Variants in PRKACA observed in about 807,000 individuals in gnomAD.
PRKACA encodes cAMP-dependent protein kinase catalytic subunit alpha.
A neutral mutation model predicts 45.8 loss-of-function variants in PRKACA; 9 were observed. The ratio of observed to expected loss-of-function variants is 0.20; its 90% CI spans 0.12 to 0.34. The LOEUF is 0.34. PRKACA is among the 10% of genes least tolerant of loss of function. The pLI, the probability that PRKACA is intolerant of heterozygous loss-of-function variation, is 1.00. For synonymous variants in PRKACA, 160 were observed against 178.6 expected, an observed-to-expected ratio of 0.90 and a Z score of 0.83; for missense variants, 238 against 458.6, an observed-to-expected ratio of 0.52 and a Z score of 4.39.
chr19:14,107,197 C>G (rs936667694), intron 2 of PRKACA, 151 bp downstream of exon 2: 4 of 881,042 alleles, frequency 4.5e-6, no homozygotes, highest in Middle Eastern at 3.6e-4. Context: ...TGTCTCCACA[C>G]AGGAGCCCCC....
chr19:14,117,615 C>T lies in PRKACA; in HGVS notation c.-68G>A, dbSNP rs892979080. 6 of 924,298 alleles carry T rather than the reference C, an allele frequency of 6.5e-6. No individual in the cohort carries two copies. Among genetic ancestry groups the T allele is most frequent in the Non-Finnish European group, 2.6e-6 (2 of 776,588 alleles). The allele number at this position is 924,298 out of a possible 1,614,324, so 57.3% of individuals were successfully genotyped here. A position where few individuals can be genotyped will look rare whatever the true frequency, so the allele number is the denominator to read the frequency against. On this transcript the variant is annotated 5_prime_UTR_variant, in exon 1 of 10. Transcript: ENST00000308677. ...GCGGGTGCTGGCTGCGGCCGGCGGC[C>T]CCGGAGCGCGCTGGGCGGCGGCGGC...
At chr19:14,094,188 A>G (rs1300274518) in intron 8 of PRKACA, among the ~76,000 whole-genome samples, 1 of 128,532 alleles carries the variant, frequency 7.8e-6, no homozygotes, top group Non-Finnish European at 1.6e-5. Context: ...TTTTTTTGAA[A>G]AAAAAAAAAA....
chr19:14,117,087 G>A (rs779703349), intron 1 of PRKACA, among the ~76,000 whole-genome samples: 4 of 151,732 alleles, frequency 2.6e-5, no homozygotes, highest in Non-Finnish European at 4.4e-5. Flanking sequence ...AGACCTCATC[G>A]CATTCCCAAA....
chr19:14,093,296 A>C, intron 9 of PRKACA, 59 bp from the exon 10 acceptor site: 1 of 1,572,628 alleles, frequency 6.4e-7, no homozygotes, highest in Admixed American at 1.8e-5. Context: ...TTATTACAAC[A>C]ATAAATGCGA....
intron 3 of PRKACA, among the ~76,000 whole-genome samples, chr19:14,103,691 G>C (rs1040940814): frequency 6.6e-6 from 1 of 152,222 alleles, no homozygotes; most frequent in Non-Finnish European, 1.5e-5. Flanking sequence ...TTAGCCACAG[G>C]GGGATGCTGG....
intron 1 of PRKACA, among the ~76,000 whole-genome samples, chr19:14,108,575 T>A (rs1352093227): frequency 6.7e-6 from 1 of 149,912 alleles, no homozygotes; most frequent in Non-Finnish European, 1.5e-5. Flanking sequence ...GCCCAGAGAA[T>A]TTTTTGTATT....
intron 2 of PRKACA, 29 bp from the exon 3 acceptor site, chr19:14,106,917 G>A (rs368644214): frequency 4.8e-5 from 78 of 1,612,624 alleles, no homozygotes; most frequent in Non-Finnish European, 6.3e-5. Flanking sequence ...GTAGGCTCAG[G>A]GCACGCCCTC....
At chr19:14,093,818 G>A in intron 8 of PRKACA, 26 bp from the exon 9 acceptor site, 2 of 1,595,616 alleles carry the variant, frequency 1.3e-6, no homozygotes, top group Non-Finnish European at 1.7e-6. Flanking sequence ...CAAGGACAGG[G>A]TGGGAAGCTG....
intron 1 of PRKACA, among the ~76,000 whole-genome samples, chr19:14,112,965 G>T (rs887830470): frequency 6.6e-6 from 1 of 152,302 alleles, no homozygotes; most frequent in South Asian, 2.1e-4. Flanking sequence ...GAAAGGCTTG[G>T]GGCGGGGGGC....
At position 14,097,632 on chromosome 19, in the gene PRKACA, A is replaced by G. The variant is rs1336753127; in HGVS notation, c.589T>C (p.Trp197Arg). The G allele has an allele frequency of 3.7e-6, 6 of 1,611,276 alleles. No individual in the cohort carries two copies. Among genetic ancestry groups the G allele is most frequent in the East Asian group, 2.2e-5 (1 of 44,818 alleles). Residue 197 changes from tryptophan to arginine, a missense_variant, in exon 7 of 10, where the codon TGG becomes CGG. Physicochemically the swap from Trp to Arg is moderately radical, Grantham distance 101. Around this residue, in one of 3 missense-constraint regions of PRKACA, gnomAD observed 94 missense variants for 240.9 expected, o/e 0.39. Coordinates refer to ENST00000308677, the MANE Select transcript of PRKACA (RefSeq NM_002730.4). The surrounding 1 kb of genome is among the most constrained non-coding windows in gnomAD (Gnocchi z 5.4). The stretch of plus-strand genomic sequence containing the variant: ...TACTCAGGGGTGCCGCACAAGGTCC[A>G]AGTGCGGCCCTTCACGCGCTTGGCG... Reference protein sequence around the residue: ...GFAKRVKGRTWTLCGTPEYLA... With the variant: ...GFAKRVKGRTRTLCGTPEYLA...
rs1977102133 is a variant in PRKACA, at chr19:14,092,352, A to G, written c.*760T>C. On this transcript the variant is annotated 3_prime_UTR_variant, in exon 10 of 10. Transcript: ENST00000308677. ...GAAAAAGAGAGCGGAGGCTTCCTAA[A>G]GGGGCCTAGACCCTCGCAGGATTGG... is the stretch of plus-strand genomic sequence containing the variant. The G allele has an allele frequency of 1.5e-5, 5 of 327,892 alleles. No individual in the cohort carries two copies. The East Asian group carries it at 2.3e-4, about 15-fold the overall frequency. The allele number at this position is 327,892 out of a possible 1,614,324, so 20.3% of individuals were successfully genotyped here. A position where few individuals can be genotyped will look rare whatever the true frequency, so the allele number is the denominator to read the frequency against.
chr19:14,100,748 A>T, intron 5 of PRKACA, 78 bp downstream of exon 5: 1 of 1,440,484 alleles, frequency 6.9e-7, no homozygotes. Context: ...ACTCCTCTGC[A>T]TTCCCAGGGG....
chr19:14,117,416 C>T, intron 1 of PRKACA, 86 bp downstream of exon 1: 1 of 1,205,460 alleles, frequency 8.3e-7, no homozygotes, highest in East Asian at 3.4e-5. Flanking sequence ...ATGAGGGGCC[C>T]CGTAGGGGGA....
Position 14,102,840 on chromosome 19 carries a change from G to C in PRKACA, c.312C>G (p.Leu104=), listed in dbSNP as rs753127913. 1 of 1,614,026 alleles carries C rather than the reference G, an allele frequency of 6.2e-7. No individual in the cohort carries two copies. Among genetic ancestry groups the C allele is most frequent in the African/African-American group, 1.3e-5 (1 of 74,918 alleles). Residue 104 remains leucine, a synonymous_variant, in exon 4 of 10, where the codon CTC becomes CTG. Coordinates refer to ENST00000308677, the MANE Select transcript of PRKACA (RefSeq NM_002730.4). ...CCTTGAAGGAGAACTCGAGTTTGAC[G>C]AGGAACGGAAAGTTGACAGCTTGCA... ...RILQAVNFPF[L]VKLEFSFKDN... is the part of the protein sequence containing the mutation.
intron 5 of PRKACA, among the ~76,000 whole-genome samples, chr19:14,099,063 G>A (rs1032954071): frequency 2.6e-5 from 4 of 152,032 alleles, no homozygotes; most frequent in African/African-American, 9.7e-5. Flanking sequence ...AAGGCGGGGG[G>A]GGCGGATCAC....
intron 8 of PRKACA, among the ~76,000 whole-genome samples, chr19:14,094,422 T>C (rs1182919343): frequency 6.6e-6 from 1 of 152,050 alleles, no homozygotes; most frequent in Non-Finnish European, 1.5e-5. Flanking sequence ...CTCTTGACCT[T>C]AGGTGATCCA....
intron 5 of PRKACA, 150 bp downstream of exon 5, chr19:14,100,676 A>C: frequency 1.4e-6 from 1 of 721,002 alleles, no homozygotes; most frequent in Non-Finnish European, 2.4e-6. Context: ...CATATTCCTC[A>C]GCAGAGGGGA....
Position 14,093,041 on chromosome 19 carries a change from A to AGGGGGCC in PRKACA, c.*70_*71insGGCCCCC. 3.0e-5 allele frequency: 15 copies of AGGGGGCC among 499,992 alleles called. No individual in the cohort carries two copies. Among genetic ancestry groups the AGGGGGCC allele is most frequent in the Non-Finnish European group, 4.3e-5 (12 of 278,296 alleles). The allele number at this position is 499,992 out of a possible 1,614,324, so 31.0% of individuals were successfully genotyped here. A position where few individuals can be genotyped will look rare whatever the true frequency, so the allele number is the denominator to read the frequency against. On this transcript the variant is annotated 3_prime_UTR_variant, in exon 10 of 10. Transcript: ENST00000308677. ...CTGGGGCCCTCTGGCTGTTCAATCC[A>AGGGGGCC]ACCCTCCCACCCCCCCGACCAAAAA...
In PRKACA at chr19:14,104,206, G is replaced by A. The variant is rs182919358; in HGVS notation, c.238-1292C>T. Among the ~76,000 whole-genome samples the A allele has an allele frequency of 4.0e-3, 608 of 150,986 alleles. 2 individuals are homozygous for A. The highest frequency in any genetic ancestry group is 0.011 in the South Asian group (51 of 4,760). On this transcript the variant is annotated intron_variant, in intron 3 of 9. Transcript: ENST00000308677. ...CAAAAAATTAGCCGGGTGTGGTGGC[G>A]GGCGCCTGTAGTCCCTGCTACTCGG... is the stretch of plus-strand genomic sequence containing the variant.
Sources: allele counts gnomAD v4.1 joint callset (sites outside exome capture counted in the v4.1 genomes callset), GRCh38; gene constraint gnomAD v4.1.1; regional missense constraint gnomAD v4.1.1; non-coding constraint Gnocchi (gnomAD v3.1); transcripts MANE v1.5; gene names NCBI Gene and HGNC (gene_info 2026-07-23, HGNC 2026-07-21).